The following DZANK1 variants were observed in gnomAD, a reference collection of about 807,000 sequenced individuals.
The protein encoded by DZANK1 is double zinc ribbon and ankyrin repeat-containing protein 1.
DZANK1 carries 91 observed loss-of-function variants against 94.5 expected under a neutral mutation model. The ratio of observed to expected loss-of-function variants is 0.96; its 90% CI spans 0.81 to 1.15. The LOEUF is 1.15. Ranked by LOEUF, DZANK1 falls within the 50% of genes most tolerant of loss-of-function variation. The probability of loss-of-function intolerance (pLI) is 0.00; values close to 1 mark genes in which losing one functional copy is unlikely to be tolerated. For synonymous variants in DZANK1, 312 were observed against 325.3 expected (o/e 0.96, Z 0.44); for missense variants, 903 against 916.4 (o/e 0.99, Z 0.19).
chr20:18,430,724 A>G (rs1039922150), intron 9 of DZANK1, among the ~76,000 whole-genome samples: 1 of 152,190 alleles, frequency 6.6e-6, no homozygotes, highest in Admixed American at 6.5e-5. Flanking sequence ...CTGAGGTAGG[A>G]GGATCACTTG....
At chr20:18,395,053 G>A (rs972349451) in intron 15 of DZANK1, among the ~76,000 whole-genome samples, 2 of 152,160 alleles carry the variant, frequency 1.3e-5, no homozygotes, top group South Asian at 2.1e-4. Flanking sequence ...GAACATGCAG[G>A]CTAACAAAAG....
chr20:18,427,606 GGTGTGTGTGT>G (rs11474236), intron 9 of DZANK1, among the ~76,000 whole-genome samples: 3 of 148,692 alleles, frequency 2.0e-5, no homozygotes, highest in Non-Finnish European at 3.0e-5. Context: ...TGTAAGGTTG[GGTGTGTGTGT>G]GTGTGTGTGT....
chr20:18,385,224 C>T, intron 19 of DZANK1, 134 bp from the exon 20 acceptor site: 1 of 721,628 alleles, frequency 1.4e-6, no homozygotes. Flanking sequence ...CTTGAGTCTC[C>T]TCTCTCTGCC....
exon 21 of DZANK1, chr20:18,384,434 C>A: frequency 6.2e-7 from 1 of 1,611,436 alleles, no homozygotes; most frequent in Non-Finnish European, 8.5e-7. Context: ...CTAGTTTGAG[C>A]GAGTTGGTCC....
chr20:18,440,768 G>A (rs539093606), intron 8 of DZANK1, among the ~76,000 whole-genome samples: 1 of 152,332 alleles, frequency 6.6e-6, no homozygotes, highest in Non-Finnish European at 1.5e-5. Flanking sequence ...CCATTGGGCA[G>A]GAGGCACAGA....
At chr20:18,460,814 T>C (rs1447076135) in intron 2 of DZANK1, among the ~76,000 whole-genome samples, 2 of 152,178 alleles carry the variant, frequency 1.3e-5, no homozygotes, top group African/African-American at 4.8e-5. Flanking sequence ...ATAATGGAAA[T>C]GAATAGTAAT....
intron 3 of DZANK1, among the ~76,000 whole-genome samples, chr20:18,459,895 A>G (rs2059416046): frequency 6.6e-6 from 1 of 152,176 alleles, no homozygotes. Context: ...TGAAACCCCA[A>G]TGTGGAATTT....
chr20:18,452,576 AG>A (rs1207803942), intron 6 of DZANK1, 38 bp downstream of exon 6: 1 of 1,557,272 alleles, frequency 6.4e-7, no homozygotes, highest in Non-Finnish European at 8.7e-7. Context: ...AAAATATAGG[AG>A]GTATTTGAAT....
chr20:18,396,781 T>C (rs547071960), intron 14 of DZANK1, among the ~76,000 whole-genome samples: 1 of 152,278 alleles, frequency 6.6e-6, no homozygotes, highest in Non-Finnish European at 1.5e-5. Flanking sequence ...TAATTATAAA[T>C]AAACTACTCT....
chr20:18,436,977 G>A (rs1401014824), intron 8 of DZANK1, among the ~76,000 whole-genome samples: 12 of 152,092 alleles, frequency 7.9e-5, no homozygotes, highest in Non-Finnish European at 1.5e-4. Context: ...ACATTCTGAC[G>A]TACACAAAGA....
At chr20:18,460,615 G>C (rs1470755039) in intron 2 of DZANK1, among the ~76,000 whole-genome samples, 1 of 152,114 alleles carries the variant, frequency 6.6e-6, no homozygotes, top group Admixed American at 6.5e-5. Flanking sequence ...TGTAGTCCCA[G>C]CTACTCAGGA....
At chr20:18,452,579 T>C (rs1601137085) in intron 6 of DZANK1, 36 bp downstream of exon 6, 3 of 1,559,134 alleles carry the variant, frequency 1.9e-6, no homozygotes, top group South Asian at 1.2e-5. Context: ...ATATAGGAGG[T>C]ATTTGAATAC....
intron 8 of DZANK1, among the ~76,000 whole-genome samples, chr20:18,439,602 C>T (rs1228865531): frequency 6.6e-6 from 1 of 152,178 alleles, no homozygotes; most frequent in Non-Finnish European, 1.5e-5. Context: ...TGGGATCTCA[C>T]TAGCTCTAAT....
chr20:18,409,925 T>G (rs4813318), intron 13 of DZANK1, among the ~76,000 whole-genome samples: 1 of 151,328 alleles, frequency 6.6e-6, no homozygotes, highest in South Asian at 2.1e-4. Flanking sequence ...AAAAATTATC[T>G]GGGAGGCTGA....
intron 14 of DZANK1, 145 bp from the exon 15 acceptor site, chr20:18,396,691 G>A: frequency 1.8e-6 from 1 of 563,482 alleles, no homozygotes; most frequent in Admixed American, 3.7e-5. Context: ...AAGAAAAACA[G>A]AGCAACAAAA....
At chr20:18,385,204 T>C (rs929148107) in intron 19 of DZANK1, 114 bp from the exon 20 acceptor site, 1 of 922,840 alleles carries the variant, frequency 1.1e-6, no homozygotes, top group East Asian at 2.6e-5. Context: ...TTAACTAACC[T>C]GGGAAACCTC....
rs58181181 is a variant in DZANK1 at position 18,450,289 on chromosome 20, A to T, written c.544-1220T>A. 1.6e-4 allele frequency among the ~76,000 whole-genome samples: 24 copies of T among 151,750 alleles called. No individual in the cohort carries two copies. In the East Asian group the frequency reaches 4.3e-3, roughly 27 times the overall value. On this transcript the variant is annotated intron_variant, in intron 6 of 20. Transcript: ENST00000262547. The stretch of plus-strand genomic sequence containing the variant: ...GCCTAGGCTGGGTGTAGTGGCTCAC[A>T]TTTGTAACCCCAATACTTTGGGAGG...
chr20:18,434,798 T>C (rs901612790), intron 8 of DZANK1, among the ~76,000 whole-genome samples: 6 of 152,110 alleles, frequency 3.9e-5, no homozygotes, highest in Non-Finnish European at 7.3e-5. Flanking sequence ...TGGCTGCTGA[T>C]GGGCAAGGAT....
At chr20:18,393,929 T>C (rs1360616276) in intron 16 of DZANK1, 118 bp from the exon 17 acceptor site, 116 of 718,628 alleles carry the variant, frequency 1.6e-4, no homozygotes, top group Non-Finnish European at 3.2e-5. Flanking sequence ...ATCATAGAAA[T>C]TTCTATTTGA....
Sources: gnomAD v4.1 joint callset for allele counts (sites outside exome capture counted in the v4.1 genomes callset) on GRCh38, gnomAD v4.1.1 for gene constraint, MANE v1.5 for transcripts, NCBI Gene and HGNC (gene_info 2026-07-23, HGNC 2026-07-21) for gene names.